RAP1B: variants seen among roughly 807,000 people sequenced by gnomAD.
RAP1B encodes the protein RAP1B, member of RAS oncogene family.
In RAP1B, 1 loss-of-function variant was observed where a neutral mutation model predicts 27.5. That is an observed-to-expected ratio of 0.04 (90% CI 0.01 to 0.17). The LOEUF (loss-of-function observed/expected upper bound fraction) is 0.17, where lower values mean the gene tolerates loss of function less well. Ranked by LOEUF, RAP1B falls within the 10% of genes least tolerant of loss-of-function variation. The probability of loss-of-function intolerance (pLI) is 1.00; values close to 1 mark genes in which losing one functional copy is unlikely to be tolerated. For missense variants in RAP1B, 84 were observed against 214.8 expected (o/e 0.39, Z 3.81); for synonymous variants, 75 against 73.1 (o/e 1.03, Z -0.13).
rs1416922005 is a variant in RAP1B at position 68,670,743 on chromosome 12, TCACGGCCAGG to T, written c.*11500_*11509del. 6.6e-6 allele frequency: 1 copy of T among 152,138 alleles called. No homozygotes were observed. The highest frequency in any genetic ancestry group is 2.4e-5 in the African/African-American group (1 of 41,436). The allele number at this position is 152,138 out of a possible 1,614,324, so 9.4% of individuals were successfully genotyped here. A position where few individuals can be genotyped will look rare whatever the true frequency, so the allele number is the denominator to read the frequency against. On this transcript the variant is annotated 3_prime_UTR_variant, in exon 8 of 8. Transcript: ENST00000250559. ...TAGCACAGATAAAAGATTAAACTAT[TCACGGCCAGG>T]CACGGTGGATCATGCCTGTAATCCC...
At chr12:68,647,598 A>C (rs1441934050) in intron 1 of RAP1B, among the ~76,000 whole-genome samples, 1 of 147,758 alleles carries the variant, frequency 6.8e-6, no homozygotes, top group East Asian at 2.0e-4. Flanking sequence ...AATTTCCCCA[A>C]CCTTGCTAGA....
At chr12:68,623,164 A>G (rs1242214259) in intron 1 of RAP1B, among the ~76,000 whole-genome samples, 1 of 152,246 alleles carries the variant, frequency 6.6e-6, no homozygotes, top group African/African-American at 2.4e-5. Context: ...ATTTTGCACA[A>G]AAGGTTTTTA....
At position 68,663,367 on chromosome 12, in the gene RAP1B, C is replaced by G. The variant is rs1008607670; in HGVS notation, c.*4118C>G. ...TGTGAGCCACCGCACCCAGCCTAAT[C>G]AATACATTTGATATTTCAAGAATAC... On this transcript the variant is annotated 3_prime_UTR_variant, in exon 8 of 8. Coordinates refer to ENST00000250559, the MANE Select transcript of RAP1B (RefSeq NM_001010942.3). 2.6e-5 allele frequency: 4 copies of G among 151,962 alleles called. No homozygotes were observed. Among genetic ancestry groups the G allele is most frequent in the African/African-American group, 4.8e-5 (2 of 41,358 alleles). 9.4% of individuals were successfully genotyped at this position (151,962 alleles called of 1,614,324 possible).
intron 1 of RAP1B, chr12:68,641,035 CAG>C (rs1260047786): frequency 6.6e-6 from 1 of 152,168 alleles, no homozygotes; most frequent in African/African-American, 2.4e-5. Flanking sequence ...GTTTTTGAGA[CAG>C]GGTCTCACTT....
rs1398732403 is a variant in RAP1B at position 68,631,800 on chromosome 12, C to T, written c.-26-16899C>T. ...CATGATATTTTTCATATTTTTATGT[C>T]TCCATCTTTTCCTACAAAATTGTAA... On this transcript the variant is annotated intron_variant, in intron 1 of 7. Transcript: ENST00000250559. 2.6e-5 allele frequency among the ~76,000 whole-genome samples: 4 copies of T among 152,012 alleles called. No homozygotes were observed. In the East Asian group the frequency reaches 5.8e-4, roughly 22 times the overall value.
chr12:68,634,584 T>A (rs1176062467), intron 1 of RAP1B, among the ~76,000 whole-genome samples: 1 of 147,800 alleles, frequency 6.8e-6, no homozygotes, highest in East Asian at 2.1e-4. Flanking sequence ...CCTATATTAT[T>A]ATTTTTTTTT....
rs78066083 is a variant in RAP1B, at chr12:68,627,693, G to A, written c.-27+16650G>A. Among the ~76,000 whole-genome samples, 349 of 152,176 alleles carry A rather than the reference G, an allele frequency of 2.3e-3. 2 individuals carry two copies. Among genetic ancestry groups the A allele is most frequent in the African/African-American group, 5.8e-3 (239 of 41,504 alleles). ...AGAAACATAATACCTAACTAAAAGC[G>A]TCTTTTATCATATAGATAGATGTAC... is the stretch of plus-strand genomic sequence containing the variant. On this transcript the variant is annotated intron_variant, in intron 1 of 7. Coordinates refer to ENST00000250559, the MANE Select transcript of RAP1B (RefSeq NM_001010942.3).
intron 1 of RAP1B, among the ~76,000 whole-genome samples, chr12:68,631,992 A>G (rs1565662748): frequency 2.6e-5 from 4 of 150,954 alleles, no homozygotes; most frequent in Admixed American, 6.6e-5. Flanking sequence ...ACCGTTGGTC[A>G]CTCTGATTCC....
rs895863189 is a variant in RAP1B at position 68,661,861 on chromosome 12, C to T, written c.*2612C>T. On this transcript the variant is annotated 3_prime_UTR_variant, in exon 8 of 8. Transcript: ENST00000250559. The stretch of plus-strand genomic sequence containing the variant: ...GTGAATAAGAATATAAAGTTTGGAG[C>T]CAGACTTCCTGGGTTTTTAATCCCA... The T allele has an allele frequency of 6.6e-6, 1 of 151,772 alleles. No individual in the cohort carries two copies. Among genetic ancestry groups the T allele is most frequent in the Non-Finnish European group, 1.5e-5 (1 of 67,956 alleles). The allele number at this position is 151,772 out of a possible 1,614,324, so 9.4% of individuals were successfully genotyped here.
chr12:68,641,804 A>C (rs1042341311), intron 1 of RAP1B, among the ~76,000 whole-genome samples: 1 of 151,420 alleles, frequency 6.6e-6, no homozygotes, highest in Non-Finnish European at 1.5e-5. Context: ...AAAAAAAAAA[A>C]CAGTGTAGAA....
At chr12:68,657,447 C>A (rs149646078) in intron 7 of RAP1B, 3,059 of 281,466 alleles carry the variant, frequency 0.011, 23 homozygotes, top group South Asian at 0.02. Flanking sequence ...CTCTGTCACC[C>A]AGGCTGGAGT....
chr12:68,644,754 T>A (rs961006044), intron 1 of RAP1B, among the ~76,000 whole-genome samples: 2 of 143,302 alleles, frequency 1.4e-5, no homozygotes, highest in Non-Finnish European at 3.0e-5. Flanking sequence ...AGTGGTGCGA[T>A]CTGGGCTCAC....
At chr12:68,656,895 C>CT (rs752304759) in intron 6 of RAP1B, among the ~76,000 whole-genome samples, 2 of 152,154 alleles carry the variant, frequency 1.3e-5, no homozygotes, top group Admixed American at 6.5e-5. Flanking sequence ...GCTCCTTCAA[C>CT]TAAGTATTTT....
chr12:68,651,781 A>C, intron 3 of RAP1B: 1 of 512,334 alleles, frequency 2.0e-6, no homozygotes, highest in South Asian at 2.9e-5. Context: ...ACTTGAGAAC[A>C]CATGGCTTTT....
At chr12:68,624,500 A>G (rs895724615) in intron 1 of RAP1B, 7 of 152,156 alleles carry the variant, frequency 4.6e-5, no homozygotes, top group Non-Finnish European at 1.0e-4. Context: ...TCATTTAAAA[A>G]TCCTCAGACC....
intron 1 of RAP1B, among the ~76,000 whole-genome samples, chr12:68,627,631 C>T (rs777578221): frequency 4.6e-5 from 7 of 152,132 alleles, no homozygotes; most frequent in Non-Finnish European, 7.3e-5. Context: ...TCACGTCATG[C>T]TGGAATGTGA....
At chr12:68,652,626 G>C (rs1156587102) in intron 4 of RAP1B, among the ~76,000 whole-genome samples, 4 of 151,872 alleles carry the variant, frequency 2.6e-5, no homozygotes, top group African/African-American at 7.3e-5. Context: ...GCCAGCCTGG[G>C]CAACACAGTG....
At chr12:68,639,294 C>G (rs920852638) in intron 1 of RAP1B, among the ~76,000 whole-genome samples, 1 of 152,074 alleles carries the variant, frequency 6.6e-6, no homozygotes, top group East Asian at 1.9e-4. Flanking sequence ...TCAGTATTTC[C>G]CCTTTCCCTC....
intron 1 of RAP1B, chr12:68,642,872 C>G: frequency 1.0e-6 from 1 of 992,518 alleles, no homozygotes; most frequent in Non-Finnish European, 1.6e-6. Flanking sequence ...AGCAGCCAAC[C>G]TGGAGGTGAG....
Sources: allele counts gnomAD v4.1 joint callset (sites outside exome capture counted in the v4.1 genomes callset), GRCh38; gene constraint gnomAD v4.1.1; transcripts MANE v1.5; gene names NCBI Gene and HGNC (gene_info 2026-07-23, HGNC 2026-07-21).